Variants in DSC1 observed in about 807,000 individuals in gnomAD.
DSC1 encodes desmocollin-1.
Under a neutral mutation model 98.8 loss-of-function variants are expected in DSC1, and 79 were observed. The ratio of observed to expected loss-of-function variants is 0.80; its 90% CI spans 0.67 to 0.96. The LOEUF (loss-of-function observed/expected upper bound fraction) is 0.96. DSC1 is among the 50% of genes least tolerant of loss of function. The pLI is 0.00. For missense variants in DSC1, 1,115 were observed against 1,075.9 expected (o/e 1.04, Z -0.51); for synonymous variants, 405 against 372.1 (o/e 1.09, Z -1.02).
chr18:31,158,445 T>A lies in DSC1; in HGVS notation c.149-872A>T, dbSNP rs1598631898. On this transcript the variant is annotated intron_variant, in intron 2 of 15. Transcript: ENST00000257198. ...ACATTTAGTGTATTTACTATGTGTC[T>A]TTAGAGTGTGGACTGTTTATTAATT... Among the ~76,000 whole-genome samples the A allele has an allele frequency of 2.6e-5, 4 of 152,228 alleles. No homozygotes were observed. In the South Asian group the frequency reaches 6.2e-4, roughly 24 times the overall value.
chr18:31,145,911 G>A (rs985187612), intron 6 of DSC1, 134 bp from the exon 7 acceptor site: 7 of 976,342 alleles, frequency 7.2e-6, no homozygotes, highest in African/African-American at 6.6e-5. Flanking sequence ...TTAAGTTGAC[G>A]AATGTGAAAC....
chr18:31,136,625 CAG>C (rs1988615680), intron 11 of DSC1, among the ~76,000 whole-genome samples: 2 of 152,142 alleles, frequency 1.3e-5, no homozygotes, highest in South Asian at 4.1e-4. Flanking sequence ...ACACTGAAAA[CAG>C]AAGAATTGTC....
Position 31,162,657 on chromosome 18 carries a change from G to T in DSC1, c.-63C>A. The T allele has an allele frequency of 6.7e-7, 1 of 1,503,660 alleles. No homozygotes were observed. The highest frequency in any genetic ancestry group is 9.2e-7 in the Non-Finnish European group (1 of 1,081,170). 93.1% of individuals were successfully genotyped at this position (1,503,660 alleles called of 1,614,324 possible). A position where few individuals can be genotyped will look rare whatever the true frequency, so the allele number is the denominator to read the frequency against. Reference sequence around the variant, plus strand: ...AACAGGGCAGCCTGGGATGCACAGAGCGGCTAAGAAGACGCTGGCACTTGC... The same window carrying T: ...AACAGGGCAGCCTGGGATGCACAGATCGGCTAAGAAGACGCTGGCACTTGC... On this transcript the variant is annotated 5_prime_UTR_variant, in exon 1 of 16. Coordinates refer to ENST00000257198, the MANE Select transcript of DSC1 (RefSeq NM_024421.2).
chr18:31,133,534 A>G (rs769300563), intron 13 of DSC1, among the ~76,000 whole-genome samples: 2 of 152,148 alleles, frequency 1.3e-5, no homozygotes, highest in Non-Finnish European at 2.9e-5. Context: ...TATTCCCTAC[A>G]TAAACATGGC....
chr18:31,157,444 G>A lies in DSC1; in HGVS notation c.278C>T (p.Ser93Phe), dbSNP rs35338395. Residue 93 changes from serine (S) to phenylalanine (F), a missense_variant, in exon 3 of 16, where the codon TCC (serine) becomes TTC (phenylalanine). Physicochemically the swap from Ser to Phe is radical, Grantham distance 155 (BLOSUM62 -2). Coordinates refer to ENST00000257198, the MANE Select transcript of DSC1 (RefSeq NM_024421.2). ...LILSSERKSF[S>F]IFLSDGQRRE... ...TCTCTGACCATCTGAAAGGAAAATG[G>A]AAAAACTTTTCCTTTCAGAAGACAA... is the stretch of plus-strand genomic sequence containing the variant. 0.054 allele frequency: 87,748 copies of A among 1,614,080 alleles called. 2,794 individuals carry two copies. Among genetic ancestry groups the A allele is most frequent in the Non-Finnish European group, 0.066 (77,945 of 1,179,980 alleles).
At chr18:31,151,897 C>T (rs1989006411) in intron 5 of DSC1, among the ~76,000 whole-genome samples, 1 of 152,176 alleles carries the variant, frequency 6.6e-6, no homozygotes, top group South Asian at 2.1e-4. Flanking sequence ...CACAGTGGCT[C>T]ACACCTGTAA....
At chr18:31,149,752 T>G (rs1288641371) in intron 5 of DSC1, among the ~76,000 whole-genome samples, 1 of 152,158 alleles carries the variant, frequency 6.6e-6, no homozygotes, top group East Asian at 1.9e-4. Context: ...AGGCAACATT[T>G]CATGTTCACT....
intron 6 of DSC1, among the ~76,000 whole-genome samples, chr18:31,146,533 G>A (rs928591658): frequency 6.6e-6 from 1 of 152,168 alleles, no homozygotes; most frequent in Non-Finnish European, 1.5e-5. Context: ...ATTGTGAATG[G>A]TGTGGCAACA....
At chr18:31,154,554 C>T (rs746445570) in intron 5 of DSC1, among the ~76,000 whole-genome samples, 58 of 151,878 alleles carry the variant, frequency 3.8e-4, no homozygotes, top group Non-Finnish European at 8.2e-4. Context: ...TTTAAAATTC[C>T]ATCGTTATAT....
Position 31,134,720 on chromosome 18 carries a change from T to G in DSC1, c.1728A>C (p.Gln576His), listed in dbSNP as rs779129089. 2 of 1,613,304 alleles carry G rather than the reference T, an allele frequency of 1.2e-6. No homozygotes were observed. Among genetic ancestry groups the G allele is most frequent in the South Asian group, 2.2e-5 (2 of 91,034 alleles). Residue 576 changes from glutamine to histidine, a missense_variant, in exon 12 of 16, where the codon CAA becomes CAC. By Grantham distance (24) the Gln-to-His change is conservative. Coordinates refer to ENST00000257198, the MANE Select transcript of DSC1 (RefSeq NM_024421.2). ...GACAAATGGTCACTTCTTTGTCAAT[T>G]TGAGGTGCGTGATCGTTGTAATCAT... Reference protein sequence around the residue: ...HLDDYNDHAPQIDKEVTICQN... With the variant: ...HLDDYNDHAPHIDKEVTICQN...
At position 31,143,792 on chromosome 18, in the gene DSC1, C is replaced by A. The variant is rs1378530062; in HGVS notation, c.940-1G>T. The A allele has an allele frequency of 6.5e-7, 1 of 1,546,660 alleles. No homozygotes were observed. Among genetic ancestry groups the A allele is most frequent in the East Asian group, 2.3e-5 (1 of 42,892 alleles). ...TTATTAACTGGTAAGTATCACATTT[C>A]TGAAAAAAAGGAAAAAACTACATTA... On this transcript the variant is annotated splice_acceptor_variant, in intron 7 of 15. Transcript: ENST00000257198. LOFTEE classifies it high-confidence loss of function.
At position 31,162,757 on chromosome 18, in the gene DSC1, T is replaced by C. The variant is rs1372026123; in HGVS notation, c.-163A>G. 7 of 605,448 alleles carry C rather than the reference T, an allele frequency of 1.2e-5. No individual in the cohort carries two copies. Among genetic ancestry groups the C allele is most frequent in the Admixed American group, 3.0e-5 (1 of 33,810 alleles). The allele number at this position is 605,448 out of a possible 1,614,324, so 37.5% of individuals were successfully genotyped here. A position where few individuals can be genotyped will look rare whatever the true frequency, so the allele number is the denominator to read the frequency against. Reference sequence around the variant, plus strand: ...CAGTCCGGAGGCAAGTGATAAACAGTAGGAGGAGCAACGGGAGAATTTCTT... The same window carrying C: ...CAGTCCGGAGGCAAGTGATAAACAGCAGGAGGAGCAACGGGAGAATTTCTT... On this transcript the variant is annotated 5_prime_UTR_variant, in exon 1 of 16. Transcript: ENST00000257198.
intron 5 of DSC1, among the ~76,000 whole-genome samples, chr18:31,152,211 T>C (rs1179640679): frequency 2.0e-5 from 3 of 151,610 alleles, no homozygotes; most frequent in Non-Finnish European, 2.9e-5. Flanking sequence ...AAGGTTCTGG[T>C]TGAATAGGAA....
rs34121477 is a variant in DSC1, at chr18:31,157,417, C to T, written c.305G>A (p.Arg102Gln). 22 of 1,613,982 alleles carry T rather than the reference C, an allele frequency of 1.4e-5. No individual in the cohort carries two copies. In the South Asian group the frequency reaches 1.9e-4, roughly 14 times the overall value. Residue 102 changes from arginine to glutamine, a missense_variant, in exon 3 of 16, where the codon CGG becomes CAG. Arg to Gln is a conservative substitution (Grantham distance 43). Transcript: ENST00000257198. ...TACAACTTTTATCTCTTGTTGTTCC[C>T]GTCTCTGACCATCTGAAAGGAAAAT... Reference protein sequence around the residue: ...FSIFLSDGQRREQQEIKVVLS... With the variant: ...FSIFLSDGQRQEQQEIKVVLS...
At chr18:31,134,441 G>T in intron 12 of DSC1, 131 bp downstream of exon 12, 1 of 872,358 alleles carries the variant, frequency 1.1e-6, no homozygotes, top group Non-Finnish European at 1.7e-6. Context: ...TAAAGATTAG[G>T]TATTGTTGTT....
rs1382823638 is a variant in DSC1 at position 31,139,738 on chromosome 18, T to C, written c.1663+10A>G. 1 of 1,566,946 alleles carries C rather than the reference T, an allele frequency of 6.4e-7. No individual in the cohort carries two copies. Among genetic ancestry groups the C allele is most frequent in the South Asian group, 1.2e-5 (1 of 82,976 alleles). On this transcript the variant is annotated intron_variant, in intron 11 of 15. Transcript: ENST00000257198. ...ATATTTATATTTTATCTGTAGAAAA[T>C]GGCACTCACCTGCATCCACTGCAAC... is the stretch of plus-strand genomic sequence containing the variant.
Position 31,159,461 on chromosome 18 carries a change from T to C in DSC1, c.132A>G (p.Glu44=). 1 of 1,613,432 alleles carries C rather than the reference T, an allele frequency of 6.2e-7. No individual in the cohort carries two copies. The highest frequency in any genetic ancestry group is 8.5e-7 in the Non-Finnish European group (1 of 1,179,820). The change falls in exon 2 of 16, where the codon GAA becomes GAG. Residue 44 remains glutamate (E), a synonymous_variant. Coordinates refer to ENST00000257198, the MANE Select transcript of DSC1 (RefSeq NM_024421.2). ...GTTTCTCACCTTTGCCTACAAGTGT[T>C]TCAGCCTGAAGATGAGAAGGAACTC... ...YLRVPSHLQA[E]TLVGKVNLEE...
chr18:31,155,435 A>G (rs907496437), intron 4 of DSC1, among the ~76,000 whole-genome samples: 1 of 152,054 alleles, frequency 6.6e-6, no homozygotes, highest in African/African-American at 2.4e-5. Flanking sequence ...TTCAAGACCA[A>G]ACTGGTCAAC....
intron 9 of DSC1, among the ~76,000 whole-genome samples, chr18:31,141,516 G>A (rs1988734506): frequency 6.6e-6 from 1 of 152,088 alleles, no homozygotes; most frequent in African/African-American, 2.4e-5. Flanking sequence ...ATGGCTACCT[G>A]GAATATAGGG....
Sources: gnomAD v4.1 joint callset for allele counts (sites outside exome capture counted in the v4.1 genomes callset) on GRCh38, gnomAD v4.1.1 for gene constraint, MANE v1.5 for transcripts, NCBI Gene and HGNC (gene_info 2026-07-23, HGNC 2026-07-21) for gene names.